The following BCAT1 variants were observed in gnomAD, a reference collection of about 807,000 sequenced individuals.
BCAT1 encodes branched chain amino acid transaminase 1.
A neutral mutation model predicts 52.4 loss-of-function variants in BCAT1; 48 were observed. The ratio of observed to expected loss-of-function variants is 0.92; its 90% CI spans 0.73 to 1.16. BCAT1 has a LOEUF of 1.16. Among genes scored for constraint, BCAT1 ranks in the 50% most tolerant of loss-of-function variants. The pLI, the probability that BCAT1 is intolerant of heterozygous loss-of-function variation, is 0.00. For missense variants in BCAT1, 451 were observed against 457.1 expected, an observed-to-expected ratio of 0.99 and a Z score of 0.12; for synonymous variants, 167 against 161.3, an observed-to-expected ratio of 1.04 and a Z score of -0.27.
At chr12:24,904,854 A>C (rs1053349787) in intron 1 of BCAT1, among the ~76,000 whole-genome samples, 1 of 152,216 alleles carries the variant, frequency 6.6e-6, no homozygotes, top group African/African-American at 2.4e-5. Context: ...ATTGTGTTAG[A>C]AAGTGTTAAG....
chr12:24,923,093 T>G (rs2139725428), intron 1 of BCAT1, among the ~76,000 whole-genome samples: 1 of 152,264 alleles, frequency 6.6e-6, no homozygotes, highest in African/African-American at 2.4e-5. Context: ...GGGGCTGTCA[T>G]GTAAACACCC....
chr12:24,911,286 TA>T (rs1331714741), intron 1 of BCAT1, among the ~76,000 whole-genome samples: 20 of 152,148 alleles, frequency 1.3e-4, no homozygotes, highest in African/African-American at 4.8e-4. Context: ...GATTATCAGT[TA>T]ACACCAGATG....
chr12:24,904,873 C>T (rs1391714609), intron 1 of BCAT1, among the ~76,000 whole-genome samples: 1 of 152,220 alleles, frequency 6.6e-6, no homozygotes, highest in South Asian at 2.1e-4. Flanking sequence ...AGGAATCCCA[C>T]AGACAGATGT....
At chr12:24,891,498 T>G (rs903486433) in intron 3 of BCAT1, among the ~76,000 whole-genome samples, 1 of 152,178 alleles carries the variant, frequency 6.6e-6, no homozygotes, top group Non-Finnish European at 1.5e-5. Flanking sequence ...AATTTTAAAA[T>G]GACGCTTGTA....
chr12:24,875,132 G>A (rs1942294478), intron 5 of BCAT1, among the ~76,000 whole-genome samples: 1 of 152,088 alleles, frequency 6.6e-6, no homozygotes, highest in Admixed American at 6.6e-5. Context: ...AGTCATCTCT[G>A]ATGAAAGAAT....
chr12:24,888,443 G>A (rs1222514384), intron 3 of BCAT1, among the ~76,000 whole-genome samples: 1 of 152,166 alleles, frequency 6.6e-6, no homozygotes, highest in African/African-American at 2.4e-5. Context: ...AAGTTGCAGT[G>A]AGCTGAGATC....
chr12:24,931,539 C>CA (rs1377943330), intron 1 of BCAT1, among the ~76,000 whole-genome samples: 2 of 151,992 alleles, frequency 1.3e-5, no homozygotes, highest in African/African-American at 2.4e-5. Context: ...CCTCAAGGAA[C>CA]AAAAAACAGG....
At chr12:24,870,019 T>C (rs1483220309) in intron 5 of BCAT1, among the ~76,000 whole-genome samples, 1 of 140,046 alleles carries the variant, frequency 7.1e-6, no homozygotes, top group Non-Finnish European at 1.6e-5. Flanking sequence ...TGTGTGTGTG[T>C]GTGTGTATTT....
chr12:24,832,648 T>A (rs888823639), intron 9 of BCAT1, 75 bp downstream of exon 9: 31 of 1,451,816 alleles, frequency 2.1e-5, no homozygotes, highest in Non-Finnish European at 2.8e-5. Context: ...CAGATACAAT[T>A]TTATTCATAC....
At chr12:24,911,905 G>A (rs147417368) in intron 1 of BCAT1, among the ~76,000 whole-genome samples, 9 of 152,262 alleles carry the variant, frequency 5.9e-5, no homozygotes, top group Middle Eastern at 3.4e-3. Flanking sequence ...ATAATTTTGC[G>A]TTTTACAGAA....
intron 1 of BCAT1, among the ~76,000 whole-genome samples, chr12:24,925,393 A>G (rs1270362088): frequency 6.6e-6 from 1 of 152,120 alleles, no homozygotes; most frequent in Non-Finnish European, 1.5e-5. Context: ...ACATGAACCA[A>G]TTCCTTAAAA....
rs1342785610 is a variant in BCAT1 at position 24,832,734 on chromosome 12, ACAGTATAT to A, written c.1025_1032del (p.Asp342ValfsTer16). ...AATACTTGTCGTACCTCGCCTTTGTACAGTATATCAGAAACTGGGCAAACAACACAGGC... is the reference window on the plus strand; with the variant it reads ...AATACTTGTCGTACCTCGCCTTTGTACAGAAACTGGGCAAACAACACAGGC... On this transcript the variant is annotated frameshift_variant, in exon 9 of 11. Transcript: ENST00000261192. LOFTEE classifies it high-confidence loss of function. 1 of 1,610,376 alleles carries A rather than the reference ACAGTATAT, an allele frequency of 6.2e-7. No homozygotes were observed. Among genetic ancestry groups the A allele is most frequent in the Non-Finnish European group, 8.5e-7 (1 of 1,178,246 alleles).
At chr12:24,836,642 G>A in intron 7 of BCAT1, 46 bp from the exon 8 acceptor site, 2 of 1,471,532 alleles carry the variant, frequency 1.4e-6, no homozygotes, top group South Asian at 1.2e-5. Context: ...ACTACATTAG[G>A]CATGCCTTAT....
chr12:24,866,381 C>G (rs980261641), intron 5 of BCAT1, among the ~76,000 whole-genome samples: 1 of 152,214 alleles, frequency 6.6e-6, no homozygotes, highest in Non-Finnish European at 1.5e-5. Flanking sequence ...TCCCGCCCCC[C>G]GCCACCGCTG....
chr12:24,883,059 G>C (rs1181239195), intron 3 of BCAT1, among the ~76,000 whole-genome samples: 1 of 151,912 alleles, frequency 6.6e-6, no homozygotes, highest in Non-Finnish European at 1.5e-5. Flanking sequence ...GGCCAAGGCT[G>C]TTGGATCACT....
intron 5 of BCAT1, among the ~76,000 whole-genome samples, chr12:24,851,542 A>T (rs182621749): frequency 2.6e-4 from 39 of 152,364 alleles, no homozygotes; most frequent in Non-Finnish European, 4.9e-4. Context: ...TTTCATTAGC[A>T]TTCCATGGGA....
chr12:24,868,296 A>G (rs548768222), intron 5 of BCAT1, among the ~76,000 whole-genome samples: 7 of 152,348 alleles, frequency 4.6e-5, no homozygotes, highest in South Asian at 4.1e-4. Flanking sequence ...AGTACGGTAC[A>G]TATGTCCAAT....
intron 1 of BCAT1, among the ~76,000 whole-genome samples, chr12:24,927,333 G>GAAAAT (rs1188322866): frequency 2.6e-5 from 4 of 151,714 alleles, no homozygotes; most frequent in Non-Finnish European, 5.9e-5. Flanking sequence ...GAAAAGAAAA[G>GAAAAT]AAAAAAATCA....
rs1939649771 is a variant in BCAT1, at chr12:24,810,587, T to G, written c.*7421A>C. The G allele has an allele frequency of 6.6e-6, 1 of 152,196 alleles. No homozygotes were observed. Among genetic ancestry groups the G allele is most frequent in the Non-Finnish European group, 1.5e-5 (1 of 68,030 alleles). The allele number at this position is 152,196 out of a possible 1,614,324, so 9.4% of individuals were successfully genotyped here. A position where few individuals can be genotyped will look rare whatever the true frequency, so the allele number is the denominator to read the frequency against. On this transcript the variant is annotated 3_prime_UTR_variant, in exon 11 of 11. Coordinates refer to ENST00000261192, the MANE Select transcript of BCAT1 (RefSeq NM_005504.7). ...GCTTGTGGGAATTGAGCGTTGACAC[T>G]GTAAGAACACTTGACTAATAACCTT...
Sources: gnomAD v4.1 joint callset for allele counts (sites outside exome capture counted in the v4.1 genomes callset) on GRCh38, gnomAD v4.1.1 for gene constraint, MANE v1.5 for transcripts, NCBI Gene and HGNC (gene_info 2026-07-23, HGNC 2026-07-21) for gene names.